The following WWOX variants were observed in gnomAD, a reference collection of about 807,000 sequenced individuals.
The protein encoded by WWOX is WW domain-containing oxidoreductase.
In WWOX, 69 loss-of-function variants were observed where a neutral mutation model predicts 46.2. That is an observed-to-expected ratio of 1.49 (90% CI 1.23 to 1.82). The LOEUF is 1.82. Ranked by LOEUF, WWOX falls within the 40% of genes most tolerant of loss-of-function variation. The pLI is 0.00. For missense variants in WWOX, 919 were observed against 542.6 expected, an observed-to-expected ratio of 1.69 and a Z score of -6.89; for synonymous variants, 359 against 202.6, an observed-to-expected ratio of 1.77 and a Z score of -6.56.
chr16:78,267,223 A>T (rs2079385627), intron 5 of WWOX: 1 of 152,132 alleles, frequency 6.6e-6, no homozygotes, highest in Non-Finnish European at 1.5e-5. Context: ...ACACATACAC[A>T]CATGTACCCA....
rs938213241 is a variant in WWOX, at chr16:79,000,880, C to G, written c.1057-210728C>G. Among the ~76,000 whole-genome samples the G allele has an allele frequency of 2.6e-5, 4 of 152,092 alleles. No individual in the cohort carries two copies. The South Asian group carries it at 8.3e-4, about 32-fold the overall frequency. ...CTTCCATGGCATTGCCATGGTTTGT[C>G]ATGTTGCACTTATTTGTGTGATGAT... On this transcript the variant is annotated intron_variant, in intron 8 of 8. Coordinates refer to ENST00000566780, the MANE Select transcript of WWOX (RefSeq NM_016373.4).
At chr16:78,865,760 A>T (rs2043989837) in intron 8 of WWOX, among the ~76,000 whole-genome samples, 1 of 152,162 alleles carries the variant, frequency 6.6e-6, no homozygotes, top group African/African-American at 2.4e-5. Context: ...AGTGCCTGTA[A>T]TCCCAGCTAC....
At chr16:79,182,607 C>G (rs2050934433) in intron 8 of WWOX, among the ~76,000 whole-genome samples, 1 of 152,084 alleles carries the variant, frequency 6.6e-6, no homozygotes, top group South Asian at 2.1e-4. Flanking sequence ...TGTTTAAAAG[C>G]CAAGATTCTG....
intron 8 of WWOX, among the ~76,000 whole-genome samples, chr16:78,663,932 C>G (rs997397387): frequency 2.6e-5 from 4 of 152,158 alleles, no homozygotes; most frequent in African/African-American, 4.8e-5. Flanking sequence ...ACAACGCTAT[C>G]AAGAGGGGGG....
At chr16:78,945,998 G>A (rs1029193841) in intron 8 of WWOX, among the ~76,000 whole-genome samples, 33 of 152,064 alleles carry the variant, frequency 2.2e-4, no homozygotes, top group African/African-American at 6.0e-4. Context: ...CAGGCTTGCC[G>A]GGCAACCCAA....
At chr16:79,205,239 G>C (rs1480499373) in intron 8 of WWOX, 1 of 152,174 alleles carries the variant, frequency 6.6e-6, no homozygotes, top group East Asian at 1.9e-4. Flanking sequence ...TGCATTTATG[G>C]TGATGGACTG....
chr16:78,674,750 T>C (rs912786394), intron 8 of WWOX, among the ~76,000 whole-genome samples: 2 of 151,672 alleles, frequency 1.3e-5, no homozygotes, highest in African/African-American at 2.4e-5. Context: ...TGACTGCAAC[T>C]GAAAAGAGGA....
intron 8 of WWOX, among the ~76,000 whole-genome samples, chr16:78,820,227 T>G (rs542750112): frequency 5.0e-4 from 76 of 152,264 alleles, no homozygotes; most frequent in African/African-American, 1.8e-3. Flanking sequence ...AGAACAGTCA[T>G]GGACACTGCT....
Position 79,194,074 on chromosome 16 carries a change from T to C in WWOX, c.1057-17534T>C, listed in dbSNP as rs184966251. Among the ~76,000 whole-genome samples the C allele has an allele frequency of 6.6e-5, 10 of 152,294 alleles. No homozygotes were observed. The East Asian group carries it at 1.7e-3, about 26-fold the overall frequency. On this transcript the variant is annotated intron_variant, in intron 8 of 8. Coordinates refer to ENST00000566780, the MANE Select transcript of WWOX (RefSeq NM_016373.4). ...GGTTGTTATGAAGATTCTGTGTGTGTGTGTCTGTGTGTGTGTATGTGTACA... is the reference window on the plus strand; with the variant it reads ...GGTTGTTATGAAGATTCTGTGTGTGCGTGTCTGTGTGTGTGTATGTGTACA...
At chr16:78,863,309 C>G (rs1394798593) in intron 8 of WWOX, among the ~76,000 whole-genome samples, 1 of 152,202 alleles carries the variant, frequency 6.6e-6, no homozygotes, top group Non-Finnish European at 1.5e-5. Flanking sequence ...GCAGTACATT[C>G]TCTACTTAGT....
chr16:78,732,343 T>C (rs773699076), intron 8 of WWOX, among the ~76,000 whole-genome samples: 2 of 152,120 alleles, frequency 1.3e-5, no homozygotes, highest in Non-Finnish European at 2.9e-5. Context: ...AAACTCAATC[T>C]AGCGTAGGTA....
chr16:79,077,168 G>A (rs1169371112), intron 8 of WWOX, among the ~76,000 whole-genome samples: 1 of 152,180 alleles, frequency 6.6e-6, no homozygotes, highest in African/African-American at 2.4e-5. Context: ...GAGCTCTAAA[G>A]TACTTGACCC....
chr16:79,201,357 T>C (rs1273083518), intron 8 of WWOX, among the ~76,000 whole-genome samples: 1 of 151,844 alleles, frequency 6.6e-6, no homozygotes, highest in East Asian at 1.9e-4. Context: ...TTTTTTTTTT[T>C]TTTTTAAATG....
At chr16:78,968,984 G>C (rs914372605) in intron 8 of WWOX, among the ~76,000 whole-genome samples, 14 of 151,866 alleles carry the variant, frequency 9.2e-5, no homozygotes, top group Non-Finnish European at 2.1e-4. Flanking sequence ...TAACAAAATA[G>C]AACTTTATAT....
chr16:79,054,076 A>T (rs1597329577), intron 8 of WWOX, among the ~76,000 whole-genome samples: 1 of 152,162 alleles, frequency 6.6e-6, no homozygotes, highest in African/African-American at 2.4e-5. Flanking sequence ...CTCTGAGCCA[A>T]TAAAAGAAGC....
rs193080976 is a variant in WWOX at position 78,658,962 on chromosome 16, C to A, written c.1056+226210C>A. On this transcript the variant is annotated intron_variant, in intron 8 of 8. Coordinates refer to ENST00000566780, the MANE Select transcript of WWOX (RefSeq NM_016373.4). ...CAAAAATTAGCCAGGTATGGTGGTG[C>A]GTGCCTGTAGTCCTAGCTACTTGGG... 9.4e-5 allele frequency among the ~76,000 whole-genome samples: 14 copies of A among 149,574 alleles called. 1 individual carries two copies. The East Asian group carries it at 2.6e-3, about 27-fold the overall frequency.
intron 8 of WWOX, chr16:79,206,157 G>T (rs533246407): frequency 2.6e-5 from 4 of 152,184 alleles, no homozygotes; most frequent in East Asian, 1.9e-4. Context: ...AACATTTCTC[G>T]GGTGAACACA....
At chr16:78,525,890 A>C (rs999774604) in intron 8 of WWOX, 1 of 151,994 alleles carries the variant, frequency 6.6e-6, no homozygotes, top group Admixed American at 6.6e-5. Context: ...AGAAGAAAGT[A>C]TAATTCTTTT....
intron 5 of WWOX, among the ~76,000 whole-genome samples, chr16:78,381,724 G>T (rs1250118983): frequency 1.3e-5 from 2 of 152,178 alleles, no homozygotes; most frequent in East Asian, 1.9e-4. Flanking sequence ...ACCTCTTTTG[G>T]TTAAACAAGC....
Sources: gnomAD v4.1 joint callset for allele counts (sites outside exome capture counted in the v4.1 genomes callset) on GRCh38, gnomAD v4.1.1 for gene constraint, MANE v1.5 for transcripts, NCBI Gene and HGNC (gene_info 2026-07-23, HGNC 2026-07-21) for gene names.